The following KIAA0232 variants were observed in gnomAD, a reference collection of about 807,000 sequenced individuals.
KIAA0232 encodes KIAA0232, also known as uncharacterized protein KIAA0232.
KIAA0232 carries 27 observed loss-of-function variants against 122.0 expected under a neutral mutation model. That is an observed-to-expected ratio of 0.22 (90% CI 0.16 to 0.31). KIAA0232 has a LOEUF of 0.31. KIAA0232 is among the 10% of genes least tolerant of loss of function. The pLI, the probability that KIAA0232 is intolerant of heterozygous loss-of-function variation, is 1.00. For synonymous variants in KIAA0232, 613 were observed against 587.6 expected (o/e 1.04, Z -0.63); for missense variants, 1,551 against 1,634.2 (o/e 0.95, Z 0.88).
Position 6,880,849 on chromosome 4 carries a change from C to T in KIAA0232, c.4071C>T (p.Gly1357=). The change falls in exon 10 of 10, where the codon GGC becomes GGT. Residue 1357 remains glycine, a synonymous_variant. Transcript: ENST00000307659. ...GAGATTCTGGAGCAAAGTCAGATGG[C>T]TTCCGCGGAAAGATGTGCTCCAGCG... ...GERDSGAKSD[G]FRGKMCSSAS... is the part of the protein sequence containing the mutation. The T allele has an allele frequency of 6.2e-7, 1 of 1,607,472 alleles. No homozygotes were observed.
intron 3 of KIAA0232, 68 bp from the exon 4 acceptor site, chr4:6,841,999 G>A (rs1450193155): frequency 1.2e-5 from 18 of 1,562,832 alleles, no homozygotes; most frequent in Non-Finnish European, 1.6e-5. Flanking sequence ...CTGAGTGTGT[G>A]TGGTAGGTGG....
chr4:6,878,379 T>TCATACATACGTA (rs1721865357), intron 9 of KIAA0232, among the ~76,000 whole-genome samples: 1 of 149,198 alleles, frequency 6.7e-6, no homozygotes, highest in Non-Finnish European at 1.5e-5. Flanking sequence ...CATCATTCAT[T>TCATACATACGTA]CATACATACA....
intron 3 of KIAA0232, among the ~76,000 whole-genome samples, chr4:6,825,949 A>C (rs188197944): frequency 6.6e-6 from 1 of 152,146 alleles, no homozygotes; most frequent in African/African-American, 2.4e-5. Context: ...GGATTTCACC[A>C]AGATGCTTAA....
intron 2 of KIAA0232, among the ~76,000 whole-genome samples, chr4:6,823,413 C>T: frequency 6.6e-6 from 1 of 152,142 alleles, no homozygotes; most frequent in Admixed American, 6.5e-5. Flanking sequence ...AGAAGTGTTC[C>T]TATTTCTCCA....
intron 1 of KIAA0232, among the ~76,000 whole-genome samples, chr4:6,784,314 C>G (rs1469269403): frequency 1.3e-5 from 2 of 151,848 alleles, no homozygotes; most frequent in African/African-American, 4.8e-5. Flanking sequence ...TGGTAATAGG[C>G]GATGCTGTGG....
intron 4 of KIAA0232, among the ~76,000 whole-genome samples, chr4:6,844,852 A>AT (rs1719868157): frequency 6.6e-6 from 1 of 152,228 alleles, no homozygotes; most frequent in South Asian, 2.1e-4. Flanking sequence ...TAGGAACATA[A>AT]TTAACCTGGT....
chr4:6,830,272 G>C (rs1383038677), intron 3 of KIAA0232, among the ~76,000 whole-genome samples: 3 of 152,160 alleles, frequency 2.0e-5, no homozygotes, highest in Admixed American at 1.3e-4. Flanking sequence ...CACACAGCTA[G>C]TAAATTTTGG....
At chr4:6,833,599 C>G (rs1719109344) in intron 3 of KIAA0232, among the ~76,000 whole-genome samples, 1 of 151,684 alleles carries the variant, frequency 6.6e-6, no homozygotes, top group African/African-American at 2.4e-5. Flanking sequence ...TCACTGCACT[C>G]CAGCCTAGGC....
At chr4:6,787,071 C>T (rs956918651) in intron 1 of KIAA0232, among the ~76,000 whole-genome samples, 2 of 149,654 alleles carry the variant, frequency 1.3e-5, no homozygotes, top group African/African-American at 4.9e-5. Flanking sequence ...GTCCCAGCTA[C>T]TTGGGAGGCT....
chr4:6,877,115 G>A (rs1721798210), intron 9 of KIAA0232, among the ~76,000 whole-genome samples: 8 of 151,820 alleles, frequency 5.3e-5, no homozygotes, highest in Admixed American at 5.2e-4. Context: ...CCTAATAAGT[G>A]GGAGACCTAG....
At chr4:6,825,674 AAGTG>A (rs1718641436) in intron 3 of KIAA0232, among the ~76,000 whole-genome samples, 2 of 152,304 alleles carry the variant, frequency 1.3e-5, no homozygotes, top group South Asian at 4.1e-4. Flanking sequence ...GAGCTACTGA[AAGTG>A]AGGCCTGCCA....
chr4:6,798,725 A>AT (rs1433912378), intron 1 of KIAA0232, among the ~76,000 whole-genome samples: 1 of 151,848 alleles, frequency 6.6e-6, no homozygotes, highest in African/African-American at 2.4e-5. Flanking sequence ...TTAATTTTTT[A>AT]TTTTTTTGTA....
chr4:6,835,498 A>G (rs1215087871), intron 3 of KIAA0232, among the ~76,000 whole-genome samples: 1 of 152,240 alleles, frequency 6.6e-6, no homozygotes, highest in Admixed American at 6.5e-5. Context: ...TTTAAGTTCT[A>G]GAGTACATAT....
At chr4:6,783,056 G>A (rs539746223) in intron 1 of KIAA0232, among the ~76,000 whole-genome samples, 2 of 150,392 alleles carry the variant, frequency 1.3e-5, no homozygotes, top group South Asian at 2.1e-4. Flanking sequence ...CCGCCGCCGA[G>A]GGCTCCGGGG....
At chr4:6,870,541 G>T (rs961235018) in intron 7 of KIAA0232, among the ~76,000 whole-genome samples, 1 of 152,188 alleles carries the variant, frequency 6.6e-6, no homozygotes. Context: ...GGTGGCTCAC[G>T]CCTGTAATCC....
intron 9 of KIAA0232, among the ~76,000 whole-genome samples, chr4:6,878,113 G>A (rs1258601222): frequency 2.0e-5 from 3 of 152,146 alleles, no homozygotes; most frequent in Admixed American, 1.3e-4. Flanking sequence ...TGTGGCTCAC[G>A]CTTGTAATCC....
chr4:6,849,473 G>T (rs905731939), intron 4 of KIAA0232, among the ~76,000 whole-genome samples: 3 of 152,112 alleles, frequency 2.0e-5, no homozygotes, highest in Non-Finnish European at 2.9e-5. Context: ...AAAATTAACC[G>T]GACGTGGTGG....
chr4:6,844,529 G>T (rs965982131), intron 4 of KIAA0232, among the ~76,000 whole-genome samples: 2 of 151,670 alleles, frequency 1.3e-5, no homozygotes, highest in Non-Finnish European at 2.9e-5. Context: ...GCAACCTCCT[G>T]GGTTCAAGCG....
chr4:6,822,183 G>T (rs1358897186), intron 2 of KIAA0232, among the ~76,000 whole-genome samples: 1 of 152,044 alleles, frequency 6.6e-6, no homozygotes, highest in Non-Finnish European at 1.5e-5. Context: ...TGTTTTGAAA[G>T]TCAGTTGGAA....
Sources: gnomAD v4.1 joint callset for allele counts (sites outside exome capture counted in the v4.1 genomes callset) on GRCh38, gnomAD v4.1.1 for gene constraint, MANE v1.5 for transcripts, NCBI Gene and HGNC (gene_info 2026-07-23, HGNC 2026-07-21) for gene names.